Variants in PPP2R5E observed in about 807,000 individuals in gnomAD.
PPP2R5E encodes the protein protein phosphatase 2 regulatory subunit B'epsilon.
In PPP2R5E, 4 loss-of-function variants were observed where a neutral mutation model predicts 65.3. The ratio of observed to expected loss-of-function variants is 0.06; its 90% confidence interval spans 0.03 to 0.14. The LOEUF is 0.14. Ranked by LOEUF, PPP2R5E falls within the 10% of genes least tolerant of loss-of-function variation. The pLI, the probability that PPP2R5E is intolerant of heterozygous loss-of-function variation, is 1.00. For synonymous variants in PPP2R5E, 183 were observed against 187.4 expected (o/e 0.98, Z 0.19); for missense variants, 274 against 556.1 (o/e 0.49, Z 5.10).
intron 2 of PPP2R5E, among the ~76,000 whole-genome samples, chr14:63,523,212 C>A (rs1274279519): frequency 6.6e-6 from 1 of 151,856 alleles, no homozygotes; most frequent in African/African-American, 2.4e-5. Context: ...GAGGTGTGCC[C>A]GGCAGCTCAT....
chr14:63,433,547 G>C (rs1004358043), intron 3 of PPP2R5E, among the ~76,000 whole-genome samples: 1 of 152,122 alleles, frequency 6.6e-6, no homozygotes, highest in African/African-American at 2.4e-5. Context: ...GAGTGCATAA[G>C]GTATCTGGGA....
chr14:63,432,356 C>T (rs1300634460), intron 3 of PPP2R5E, among the ~76,000 whole-genome samples: 2 of 152,148 alleles, frequency 1.3e-5, no homozygotes, highest in African/African-American at 4.8e-5. Flanking sequence ...ATTTAACATA[C>T]GGTGATTGCT....
intron 2 of PPP2R5E, among the ~76,000 whole-genome samples, chr14:63,456,233 G>A (rs1314663723): frequency 2.0e-5 from 3 of 152,178 alleles, no homozygotes; most frequent in South Asian, 4.1e-4. Flanking sequence ...TCGATGAATT[G>A]TAGTCTTTCC....
At chr14:63,494,392 C>T (rs1891434718) in intron 2 of PPP2R5E, among the ~76,000 whole-genome samples, 2 of 151,978 alleles carry the variant, frequency 1.3e-5, no homozygotes, top group South Asian at 4.2e-4. Flanking sequence ...TACCACCACA[C>T]TCGGCTAATT....
chr14:63,521,678 G>GT (rs2139727387), intron 2 of PPP2R5E, among the ~76,000 whole-genome samples: 1 of 152,250 alleles, frequency 6.6e-6, no homozygotes, highest in South Asian at 2.1e-4. Flanking sequence ...AAAGAGCCCA[G>GT]TTAGTTGTAT....
chr14:63,529,400 G>A (rs1480830745), intron 2 of PPP2R5E, among the ~76,000 whole-genome samples: 4 of 120,882 alleles, frequency 3.3e-5, no homozygotes, highest in Middle Eastern at 6.3e-3. Flanking sequence ...TCACTCTGTC[G>A]CCCAGGCTGG....
rs983659692 is a variant in PPP2R5E, at chr14:63,396,728, G to C, written c.550-12C>G. On this transcript the variant is annotated splice_polypyrimidine_tract_variant and intron_variant, in intron 5 of 13. Coordinates refer to ENST00000337537, the MANE Select transcript of PPP2R5E (RefSeq NM_006246.5). Reference sequence around the variant, plus strand: ...AATAGCTCCAGAAGCTGTTGTAAATGAAAGACATTATAGCTGTCAAAGGCG... The same window carrying C: ...AATAGCTCCAGAAGCTGTTGTAAATCAAAGACATTATAGCTGTCAAAGGCG... 1 of 1,612,856 alleles carries C rather than the reference G, an allele frequency of 6.2e-7. No individual in the cohort carries two copies. Among genetic ancestry groups the C allele is most frequent in the Non-Finnish European group, 8.5e-7 (1 of 1,179,434 alleles).
At chr14:63,413,761 T>C (rs1282492553) in intron 5 of PPP2R5E, among the ~76,000 whole-genome samples, 10 of 152,308 alleles carry the variant, frequency 6.6e-5, no homozygotes, top group Admixed American at 4.6e-4. Flanking sequence ...CCAATTTACC[T>C]ATTTACCCCG....
chr14:63,420,016 T>C (rs1279197643), intron 4 of PPP2R5E, among the ~76,000 whole-genome samples: 1 of 152,172 alleles, frequency 6.6e-6, no homozygotes, highest in Admixed American at 6.5e-5. Context: ...TTTTACAGAG[T>C]CATTAAGTAT....
chr14:63,408,365 T>C (rs1406332555), intron 5 of PPP2R5E, among the ~76,000 whole-genome samples: 1 of 152,228 alleles, frequency 6.6e-6, no homozygotes, highest in African/African-American at 2.4e-5. Context: ...ATTATGCCAA[T>C]TTAACGTATA....
intron 2 of PPP2R5E, among the ~76,000 whole-genome samples, chr14:63,481,440 G>A (rs1014083642): frequency 6.1e-5 from 9 of 147,888 alleles, no homozygotes; most frequent in African/African-American, 2.2e-4. Flanking sequence ...AGGTTGCAGT[G>A]AGCCGAGATC....
At chr14:63,516,497 C>T (rs72716303) in intron 2 of PPP2R5E, among the ~76,000 whole-genome samples, 2,988 of 152,324 alleles carry the variant, frequency 0.02, 52 homozygotes, top group Non-Finnish European at 0.029. Flanking sequence ...CCACCTGCTG[C>T]AAAGATACTT....
rs928680225 is a variant in PPP2R5E, at chr14:63,373,804, T to G, written c.*2205A>C. The G allele has an allele frequency of 2.6e-5, 4 of 152,154 alleles. No individual in the cohort carries two copies. Among genetic ancestry groups the G allele is most frequent in the African/African-American group, 7.2e-5 (3 of 41,434 alleles). 9.4% of individuals were successfully genotyped at this position (152,154 alleles called of 1,614,324 possible). ...ATGTCTTCTACCTAAAAAGATGAAT[T>G]AATGGCAAACAAAAGTTTACACTAT... On this transcript the variant is annotated 3_prime_UTR_variant, in exon 14 of 14. Coordinates refer to ENST00000337537, the MANE Select transcript of PPP2R5E (RefSeq NM_006246.5).
At chr14:63,482,732 T>A (rs115159406) in intron 2 of PPP2R5E, among the ~76,000 whole-genome samples, 474 of 152,292 alleles carry the variant, frequency 3.1e-3, no homozygotes, top group African/African-American at 0.011. Context: ...TTAATTATAT[T>A]TACTTTTAAG....
chr14:63,478,108 GA>G (rs1890496836), intron 2 of PPP2R5E, among the ~76,000 whole-genome samples: 1 of 152,112 alleles, frequency 6.6e-6, no homozygotes. Context: ...AGGGCAAATT[GA>G]ATAAAGGTTT....
At chr14:63,523,376 C>G (rs967410278) in intron 2 of PPP2R5E, among the ~76,000 whole-genome samples, 6 of 152,126 alleles carry the variant, frequency 3.9e-5, no homozygotes, top group African/African-American at 1.4e-4. Context: ...AAAAATTCTT[C>G]TGCCTTGGGA....
Position 63,493,709 on chromosome 14 carries a change from A to G in PPP2R5E, c.158-39824T>C, listed in dbSNP as rs1891402686. Among the ~76,000 whole-genome samples, 3 of 152,108 alleles carry G rather than the reference A, an allele frequency of 2.0e-5. No individual in the cohort carries two copies. The South Asian group carries it at 6.2e-4, about 32-fold the overall frequency. ...TTTCTGATATTACTAAACATGAAGG[A>G]TAACAATATAATGAAGTACTCTAGG... On this transcript the variant is annotated intron_variant, in intron 2 of 13. Coordinates refer to ENST00000337537, the MANE Select transcript of PPP2R5E (RefSeq NM_006246.5).
chr14:63,401,701 T>C (rs1240725394), intron 5 of PPP2R5E, among the ~76,000 whole-genome samples: 1 of 152,158 alleles, frequency 6.6e-6, no homozygotes, highest in African/African-American at 2.4e-5. Flanking sequence ...AAGAAAGCCT[T>C]GGCATAGACA....
chr14:63,454,589 C>T (rs1170714989), intron 2 of PPP2R5E, among the ~76,000 whole-genome samples: 2 of 152,180 alleles, frequency 1.3e-5, no homozygotes, highest in African/African-American at 4.8e-5. Context: ...TGGACATCTG[C>T]TCTTTTCCCG....
Sources: gnomAD v4.1 joint callset for allele counts (sites outside exome capture counted in the v4.1 genomes callset) on GRCh38, gnomAD v4.1.1 for gene constraint, MANE v1.5 for transcripts, NCBI Gene and HGNC (gene_info 2026-07-23, HGNC 2026-07-21) for gene names.